Variants in RBMS3 observed in about 807,000 individuals in gnomAD.
The protein encoded by RBMS3 is RNA binding motif single stranded interacting protein 3.
A neutral mutation model predicts 66.8 loss-of-function variants in RBMS3; 27 were observed. The observed-to-expected ratio is 0.40, with a 90% CI of 0.30 to 0.56. The LOEUF (loss-of-function observed/expected upper bound fraction) is 0.56. Among genes scored for constraint, RBMS3 ranks in the 20% least tolerant of loss-of-function variants. The pLI is 0.40. For synonymous variants in RBMS3, 188 were observed against 183.0 expected (o/e 1.03, Z -0.22); for missense variants, 513 against 549.5 (o/e 0.93, Z 0.66).
intron 4 of RBMS3, among the ~76,000 whole-genome samples, chr3:29,679,788 T>TA (rs2051411945): frequency 1.6e-5 from 2 of 126,696 alleles, no homozygotes; most frequent in Non-Finnish European, 3.2e-5. Context: ...ATATATATAT[T>TA]ATACATAGTG....
rs71898477 is a variant in RBMS3 at position 30,010,340 on chromosome 3, C to CTGTT, written c.*6480_*6483dup. On this transcript the variant is annotated 3_prime_UTR_variant, in exon 15 of 15. Transcript: ENST00000383767. The stretch of plus-strand genomic sequence containing the variant: ...ATCAGTGGATGTTAGGTTTAAACTT[C>CTGTT]TGTTTTCTTTGATGAAGCTTTCAAT... The CTGTT allele has an allele frequency of 0.025, 3,844 of 152,246 alleles. 111 individuals carry two copies. Among genetic ancestry groups the CTGTT allele is most frequent in the East Asian group, 0.16 (846 of 5,164 alleles). 9.4% of individuals were successfully genotyped at this position (152,246 alleles called of 1,614,324 possible). A position where few individuals can be genotyped will look rare whatever the true frequency, so the allele number is the denominator to read the frequency against.
chr3:29,427,617 T>C (rs1051309248), intron 1 of RBMS3, among the ~76,000 whole-genome samples: 1 of 152,246 alleles, frequency 6.6e-6, no homozygotes, highest in African/African-American at 2.4e-5. Flanking sequence ...TAAGGTAGTA[T>C]GTATTCATTT....
At chr3:29,473,492 C>T (rs372291104) in intron 2 of RBMS3, among the ~76,000 whole-genome samples, 182 of 152,332 alleles carry the variant, frequency 1.2e-3, no homozygotes, top group Non-Finnish European at 1.8e-3. Flanking sequence ...GCCAGTCCCG[C>T]GCCGTGCGCC....
chr3:29,861,018 C>A (rs2059200764), intron 6 of RBMS3, among the ~76,000 whole-genome samples: 1 of 152,156 alleles, frequency 6.6e-6, no homozygotes, highest in Admixed American at 6.5e-5. Context: ...CGCCCGCCAC[C>A]ACGCCCGGCT....
intron 12 of RBMS3, among the ~76,000 whole-genome samples, chr3:29,971,301 A>G (rs1697213524): frequency 6.6e-6 from 1 of 152,130 alleles, no homozygotes; most frequent in African/African-American, 2.4e-5. Flanking sequence ...CCATGTTGTC[A>G]AGAGCTTCCT....
Position 29,680,502 on chromosome 3 carries a change from G to A in RBMS3, c.400-59218G>A, listed in dbSNP as rs553015361. ...AAGTCATTCTATCTAATTTCACTTGGTGCAAACAGTGACTGAAATATTTCT... is the reference window on the plus strand; with the variant it reads ...AAGTCATTCTATCTAATTTCACTTGATGCAAACAGTGACTGAAATATTTCT... On this transcript the variant is annotated intron_variant, in intron 4 of 14. Transcript: ENST00000383767. 1.5e-4 allele frequency among the ~76,000 whole-genome samples: 23 copies of A among 152,192 alleles called. No individual in the cohort carries two copies. In the South Asian group the frequency reaches 4.6e-3, roughly 30 times the overall value.
chr3:29,566,419 A>C (rs1281311732), intron 3 of RBMS3, among the ~76,000 whole-genome samples: 1 of 152,102 alleles, frequency 6.6e-6, no homozygotes, highest in East Asian at 1.9e-4. Context: ...AAATTGATGT[A>C]AAAATTGTGA....
chr3:29,587,847 A>C (rs1471706062), intron 4 of RBMS3, among the ~76,000 whole-genome samples: 4 of 152,030 alleles, frequency 2.6e-5, no homozygotes, highest in Non-Finnish European at 5.9e-5. Context: ...ATTAAATAGA[A>C]TATGTATTCT....
chr3:29,900,695 A>G (rs1328096687), intron 10 of RBMS3, among the ~76,000 whole-genome samples: 1 of 151,724 alleles, frequency 6.6e-6, no homozygotes, highest in African/African-American at 2.4e-5. Flanking sequence ...TATATACTTA[A>G]TAGTGCTTTT....
At chr3:29,856,024 A>G (rs1323319646) in intron 6 of RBMS3, among the ~76,000 whole-genome samples, 1 of 152,244 alleles carries the variant, frequency 6.6e-6, no homozygotes, top group African/African-American at 2.4e-5. Context: ...TTAGAAGTGT[A>G]TATAATAGAC....
At chr3:29,408,993 C>T (rs1177284030) in intron 1 of RBMS3, among the ~76,000 whole-genome samples, 4 of 152,158 alleles carry the variant, frequency 2.6e-5, no homozygotes, top group Non-Finnish European at 5.9e-5. Context: ...ATGCAATAGA[C>T]TATCAGAGTT....
intron 1 of RBMS3, among the ~76,000 whole-genome samples, chr3:29,418,242 T>A (rs547967272): frequency 2.6e-5 from 4 of 152,280 alleles, no homozygotes; most frequent in African/African-American, 9.6e-5. Flanking sequence ...CTCAGTCTTC[T>A]AATCAAGATA....
intron 4 of RBMS3, among the ~76,000 whole-genome samples, chr3:29,670,836 T>C (rs999577714): frequency 2.4e-4 from 37 of 152,172 alleles, no homozygotes; most frequent in African/African-American, 8.4e-4. Context: ...AGGGCATAGC[T>C]GAACAAAAGG....
chr3:29,319,698 ATC>A lies in RBMS3; in HGVS notation c.75+37944_75+37945del, dbSNP rs1188246814. Among the ~76,000 whole-genome samples, 9 of 152,108 alleles carry A rather than the reference ATC, an allele frequency of 5.9e-5. No homozygotes were observed. The East Asian group carries it at 1.2e-3, about 20-fold the overall frequency. Reference sequence around the variant, plus strand: ...AAATTTGGATTTTTAACTTTAGTTGATCTGTTTCTAGAAAACCATTATTTGCA... The same window carrying A: ...AAATTTGGATTTTTAACTTTAGTTGATGTTTCTAGAAAACCATTATTTGCA... On this transcript the variant is annotated intron_variant, in intron 1 of 14. Coordinates refer to ENST00000383767, the MANE Select transcript of RBMS3 (RefSeq NM_001003793.3).
intron 3 of RBMS3, among the ~76,000 whole-genome samples, chr3:29,505,596 C>T (rs1576042594): frequency 6.7e-6 from 1 of 149,584 alleles, no homozygotes; most frequent in Admixed American, 6.7e-5. Context: ...AATTTTAGGA[C>T]TTTTTTTTAT....
chr3:29,936,393 T>G (rs556741626), intron 11 of RBMS3, among the ~76,000 whole-genome samples, 197 bp downstream of exon 11: 3 of 152,270 alleles, frequency 2.0e-5, no homozygotes, highest in Non-Finnish European at 4.4e-5. Context: ...GTGGCAAGGC[T>G]AAAGTTCTAT....
chr3:29,985,246 A>G (rs577366330), intron 12 of RBMS3, among the ~76,000 whole-genome samples: 2 of 152,192 alleles, frequency 1.3e-5, no homozygotes, highest in African/African-American at 4.8e-5. Context: ...AAGCGCCAGC[A>G]TCCCAAGTGG....
intron 5 of RBMS3, among the ~76,000 whole-genome samples, chr3:29,755,304 A>C (rs1434029648): frequency 6.6e-6 from 1 of 152,204 alleles, no homozygotes; most frequent in East Asian, 1.9e-4. Flanking sequence ...ATCCAAGTGA[A>C]AGAAGTAGTT....
At chr3:29,787,879 C>G (rs1165929370) in intron 6 of RBMS3, among the ~76,000 whole-genome samples, 1 of 152,000 alleles carries the variant, frequency 6.6e-6, no homozygotes, top group African/African-American at 2.4e-5. Context: ...AATATTTAGC[C>G]ATTTATTTTT....
Sources: gnomAD v4.1 joint callset for allele counts (sites outside exome capture counted in the v4.1 genomes callset) on GRCh38, gnomAD v4.1.1 for gene constraint, MANE v1.5 for transcripts, NCBI Gene and HGNC (gene_info 2026-07-23, HGNC 2026-07-21) for gene names.